ST6GALNAC3: variants seen among roughly 807,000 people sequenced by gnomAD.
ST6GALNAC3 encodes the protein alpha-N-acetylgalactosaminide alpha-2,6-sialyltransferase 3.
ST6GALNAC3 carries 25 observed loss-of-function variants against 32.7 expected under a neutral mutation model. That is an observed-to-expected ratio of 0.76 (90% CI 0.56 to 1.07). ST6GALNAC3 has a LOEUF of 1.07. ST6GALNAC3 is among the 50% of genes least tolerant of loss of function. The pLI, the probability that ST6GALNAC3 is intolerant of heterozygous loss-of-function variation, is 0.00. For missense variants in ST6GALNAC3, 355 were observed against 382.4 expected (o/e 0.93, Z 0.60); for synonymous variants, 129 against 133.1 (o/e 0.97, Z 0.21).
chr1:76,520,712 G>GT (rs1662475219), intron 3 of ST6GALNAC3, among the ~76,000 whole-genome samples: 1 of 151,996 alleles, frequency 6.6e-6, no homozygotes, highest in South Asian at 2.1e-4. Flanking sequence ...TATCGTCCTG[G>GT]TGGACGGACA....
intron 3 of ST6GALNAC3, among the ~76,000 whole-genome samples, chr1:76,425,442 G>C (rs1215004092): frequency 6.6e-6 from 1 of 151,866 alleles, no homozygotes; most frequent in African/African-American, 2.4e-5. Flanking sequence ...ATTTTGGTTT[G>C]AGATAGGCAG....
At chr1:76,222,700 A>G (rs1427180502) in intron 1 of ST6GALNAC3, among the ~76,000 whole-genome samples, 1 of 152,138 alleles carries the variant, frequency 6.6e-6, no homozygotes, top group Non-Finnish European at 1.5e-5. Flanking sequence ...AAAATAATTT[A>G]CAAGCAAAAA....
intron 1 of ST6GALNAC3, among the ~76,000 whole-genome samples, chr1:76,180,298 G>GT (rs1250018135): frequency 6.6e-6 from 1 of 152,138 alleles, no homozygotes; most frequent in Non-Finnish European, 1.5e-5. Flanking sequence ...AAAAATAAAG[G>GT]TAACTTCCGT....
intron 2 of ST6GALNAC3, among the ~76,000 whole-genome samples, chr1:76,378,321 G>A (rs1414435484): frequency 6.6e-6 from 1 of 152,106 alleles, no homozygotes; most frequent in Non-Finnish European, 1.5e-5. Flanking sequence ...ATTTTTTGCA[G>A]AGAATGGATG....
chr1:76,323,018 G>A (rs1646999164), intron 2 of ST6GALNAC3, among the ~76,000 whole-genome samples: 1 of 151,942 alleles, frequency 6.6e-6, no homozygotes, highest in Non-Finnish European at 1.5e-5. Flanking sequence ...TTTGTATTTT[G>A]TAAAAATACA....
At chr1:76,438,256 A>G (rs1263786276) in intron 3 of ST6GALNAC3, among the ~76,000 whole-genome samples, 3 of 150,960 alleles carry the variant, frequency 2.0e-5, no homozygotes, top group Admixed American at 2.0e-4. Flanking sequence ...GGTTCGCGCC[A>G]TTCTCCTGCC....
intron 4 of ST6GALNAC3, 31 bp downstream of exon 4, chr1:76,627,590 C>T (rs1401185848): frequency 6.8e-7 from 1 of 1,461,424 alleles, no homozygotes; most frequent in Admixed American, 1.7e-5. Context: ...TTTTATGCAG[C>T]TCCAATTCGG....
At chr1:76,345,799 A>ACT (rs1648454589) in intron 2 of ST6GALNAC3, among the ~76,000 whole-genome samples, 2 of 150,802 alleles carry the variant, frequency 1.3e-5, no homozygotes, top group African/African-American at 4.9e-5. Flanking sequence ...TGCCCCTCCC[A>ACT]CTCTCTCTCT....
intron 1 of ST6GALNAC3, among the ~76,000 whole-genome samples, chr1:76,242,804 A>G (rs930445319): frequency 1.3e-5 from 2 of 152,180 alleles, no homozygotes; most frequent in African/African-American, 4.8e-5. Context: ...TTATGGCTGC[A>G]TAGTATTCCA....
chr1:76,543,398 C>A (rs1268813692), intron 3 of ST6GALNAC3, among the ~76,000 whole-genome samples: 2 of 152,100 alleles, frequency 1.3e-5, no homozygotes, highest in Non-Finnish European at 1.5e-5. Context: ...AATTAATAGA[C>A]CACGTATTAT....
chr1:76,163,527 A>G (rs959282005), intron 1 of ST6GALNAC3, among the ~76,000 whole-genome samples: 1 of 152,200 alleles, frequency 6.6e-6, no homozygotes, highest in Non-Finnish European at 1.5e-5. Flanking sequence ...ATAAAAAATG[A>G]GGATAGTACC....
intron 2 of ST6GALNAC3, among the ~76,000 whole-genome samples, chr1:76,334,940 T>C (rs1647341557): frequency 6.6e-6 from 1 of 152,182 alleles, no homozygotes; most frequent in Non-Finnish European, 1.5e-5. Flanking sequence ...GAATCACCTG[T>C]GATTCTGGTC....
At chr1:76,519,148 G>A (rs539785040) in intron 3 of ST6GALNAC3, among the ~76,000 whole-genome samples, 2 of 152,134 alleles carry the variant, frequency 1.3e-5, no homozygotes, top group Admixed American at 6.5e-5. Flanking sequence ...GTATCTCACA[G>A]TGTCATCTTT....
chr1:76,131,892 T>C (rs1349885478), intron 1 of ST6GALNAC3, among the ~76,000 whole-genome samples: 1 of 152,166 alleles, frequency 6.6e-6, no homozygotes, highest in Non-Finnish European at 1.5e-5. Flanking sequence ...TTCAGTGTCA[T>C]GGCTACCAAA....
chr1:76,101,045 T>G (rs1327004368), intron 1 of ST6GALNAC3, among the ~76,000 whole-genome samples: 2 of 152,250 alleles, frequency 1.3e-5, no homozygotes, highest in East Asian at 3.9e-4. Context: ...GTCCATAGTT[T>G]ATACTAGGAT....
At chr1:76,542,491 C>CAG (rs1664050214) in intron 3 of ST6GALNAC3, among the ~76,000 whole-genome samples, 1 of 152,142 alleles carries the variant, frequency 6.6e-6, no homozygotes, top group Admixed American at 6.5e-5. Context: ...TAGCCTCAGG[C>CAG]AGAGGCTGGG....
intron 2 of ST6GALNAC3, among the ~76,000 whole-genome samples, chr1:76,349,350 C>T (rs1321662613): frequency 6.6e-6 from 1 of 152,182 alleles, no homozygotes; most frequent in African/African-American, 2.4e-5. Flanking sequence ...AGCTCATCTT[C>T]TAAGTCCTTT....
At chr1:76,270,176 A>G (rs1442590056) in intron 1 of ST6GALNAC3, among the ~76,000 whole-genome samples, 1 of 152,184 alleles carries the variant, frequency 6.6e-6, no homozygotes, top group African/African-American at 2.4e-5. Context: ...GGTTGTCCCA[A>G]AATATCTCAT....
At chr1:76,158,403 G>T (rs1187579928) in intron 1 of ST6GALNAC3, among the ~76,000 whole-genome samples, 3 of 152,170 alleles carry the variant, frequency 2.0e-5, no homozygotes, top group Admixed American at 2.0e-4. Flanking sequence ...CAGAGCCGGG[G>T]CCCTCTGACA....
Sources: allele counts gnomAD v4.1 joint callset (sites outside exome capture counted in the v4.1 genomes callset), GRCh38; gene constraint gnomAD v4.1.1; transcripts MANE v1.5; gene names NCBI Gene and HGNC (gene_info 2026-07-23, HGNC 2026-07-21).